The following CLPX variants were observed in gnomAD, a reference collection of about 807,000 sequenced individuals.
The protein encoded by CLPX is caseinolytic mitochondrial matrix peptidase chaperone subunit X.
A neutral mutation model predicts 76.4 loss-of-function variants in CLPX; 34 were observed. The ratio of observed to expected loss-of-function variants is 0.45; its 90% CI spans 0.34 to 0.59. The LOEUF is 0.59. CLPX is among the 20% of genes least tolerant of loss of function. The probability of loss-of-function intolerance (pLI) is 0.01; values close to 1 mark genes in which losing one functional copy is unlikely to be tolerated. For synonymous variants in CLPX, 248 were observed against 270.9 expected (o/e 0.92, Z 0.83); for missense variants, 613 against 757.0 (o/e 0.81, Z 2.23).
At chr15:65,165,209 T>G (rs2087894969) in intron 4 of CLPX, among the ~76,000 whole-genome samples, 1 of 151,808 alleles carries the variant, frequency 6.6e-6, no homozygotes, top group Non-Finnish European at 1.5e-5. Flanking sequence ...ACACCTGCAG[T>G]CCCAGCTACT....
At chr15:65,166,008 G>C (rs780458736) in intron 4 of CLPX, among the ~76,000 whole-genome samples, 4 of 152,152 alleles carry the variant, frequency 2.6e-5, no homozygotes, top group Non-Finnish European at 2.9e-5. Context: ...CAGGGTACAA[G>C]GGTTCCCAGT....
chr15:65,158,813 C>A (rs1296055402), intron 6 of CLPX, 62 bp from the exon 7 acceptor site: 3 of 1,376,090 alleles, frequency 2.2e-6, no homozygotes, highest in African/African-American at 1.5e-5. Flanking sequence ...GAAAATGTCC[C>A]ATAAAAACTT....
rs376771639 is a variant in CLPX at position 65,159,403 on chromosome 15, G to A, written c.716-652C>T. Among the ~76,000 whole-genome samples the A allele has an allele frequency of 5.9e-5, 9 of 152,278 alleles. 1 individual carries two copies. In the South Asian group the frequency reaches 1.9e-3, roughly 32 times the overall value. Reference sequence around the variant, plus strand: ...GGCATGGTGGCTCACCTGAGGTCAGGAGTTTGAGAACAGCCTGGCCAACAC... The same window carrying A: ...GGCATGGTGGCTCACCTGAGGTCAGAAGTTTGAGAACAGCCTGGCCAACAC... On this transcript the variant is annotated intron_variant, in intron 6 of 13. Transcript: ENST00000300107.
intron 6 of CLPX, among the ~76,000 whole-genome samples, chr15:65,161,664 G>A (rs1220841723): frequency 6.6e-6 from 1 of 151,896 alleles, no homozygotes; most frequent in East Asian, 1.9e-4. Flanking sequence ...TTATGAGTAT[G>A]GTATTGACTG....
intron 3 of CLPX, among the ~76,000 whole-genome samples, chr15:65,177,217 C>T (rs1005653093): frequency 6.6e-6 from 1 of 151,924 alleles, no homozygotes; most frequent in Non-Finnish European, 1.5e-5. Context: ...TTCAGATGCA[C>T]GCCACCACGC....
Position 65,185,136 on chromosome 15 carries a change from A to G in CLPX, c.18T>C (p.Ala6=), listed in dbSNP as rs199589446. The change falls in exon 1 of 14, where the codon GCT becomes GCC. Residue 6 remains alanine, a synonymous_variant. Transcript: ENST00000300107. Reference sequence around the variant, plus strand: ...GGACGGCCGCCGCGCCGCAAGTACAAGCACCGCAGCTGGGCATCTCCGCGA... The same window carrying G: ...GGACGGCCGCCGCGCCGCAAGTACAGGCACCGCAGCTGGGCATCTCCGCGA... MPSCG[A]CTCGAAAVRL... 1 of 1,573,878 alleles carries G rather than the reference A, an allele frequency of 6.4e-7. No individual in the cohort carries two copies. The highest frequency in any genetic ancestry group is 1.2e-5 in the South Asian group (1 of 85,628).
intron 6 of CLPX, among the ~76,000 whole-genome samples, chr15:65,159,705 T>C (rs2087829172): frequency 6.6e-6 from 1 of 152,214 alleles, no homozygotes; most frequent in African/African-American, 2.4e-5. Flanking sequence ...GGAAAGATTA[T>C]CCAGATTTGT....
intron 3 of CLPX, among the ~76,000 whole-genome samples, chr15:65,172,768 C>A (rs1346941857): frequency 1.3e-5 from 2 of 152,150 alleles, no homozygotes; most frequent in Non-Finnish European, 2.9e-5. Flanking sequence ...CAGTGAGTCC[C>A]AGGAGGTAGC....
At chr15:65,177,632 T>C (rs1250192001) in intron 3 of CLPX, among the ~76,000 whole-genome samples, 4 of 152,154 alleles carry the variant, frequency 2.6e-5, no homozygotes, top group Non-Finnish European at 4.4e-5. Flanking sequence ...TTCAATTGGA[T>C]TGTATAGGAA....
chr15:65,157,146 G>A (rs1055316113), intron 8 of CLPX, among the ~76,000 whole-genome samples: 11 of 152,192 alleles, frequency 7.2e-5, no homozygotes, highest in Middle Eastern at 3.4e-3. Context: ...TAACATTTAC[G>A]TATGGTAACA....
At chr15:65,160,115 A>G (rs2087834999) in intron 6 of CLPX, among the ~76,000 whole-genome samples, 1 of 152,132 alleles carries the variant, frequency 6.6e-6, no homozygotes, top group South Asian at 2.1e-4. Context: ...GCCTGGCCTA[A>G]ATTTTATTTT....
intron 3 of CLPX, among the ~76,000 whole-genome samples, chr15:65,171,602 A>G (rs1228782842): frequency 2.6e-5 from 4 of 152,232 alleles, no homozygotes; most frequent in African/African-American, 9.6e-5. Context: ...CTAAGTAAAT[A>G]ATCACCACTT....
intron 10 of CLPX, 56 bp from the exon 11 acceptor site, chr15:65,155,137 A>G (rs2087771530): frequency 7.1e-7 from 1 of 1,417,698 alleles, no homozygotes; most frequent in Non-Finnish European, 9.7e-7. Flanking sequence ...TAGTGTATTA[A>G]GTACTTTTCC....
At chr15:65,165,436 T>C (rs1261626038) in intron 4 of CLPX, among the ~76,000 whole-genome samples, 1 of 131,354 alleles carries the variant, frequency 7.6e-6, no homozygotes, top group African/African-American at 2.9e-5. Flanking sequence ...CAGGCTGGAG[T>C]GCAGTGGCGT....
At position 65,180,127 on chromosome 15, in the gene CLPX, G is replaced by A. The variant is rs2088145061; in HGVS notation, c.157C>T (p.Pro53Ser). 1 of 1,611,196 alleles carries A rather than the reference G, an allele frequency of 6.2e-7. No homozygotes were observed. Among genetic ancestry groups the A allele is most frequent in the Non-Finnish European group, 8.5e-7 (1 of 1,178,298 alleles). The change falls in exon 2 of 14, where the codon CCT becomes TCT. Residue 53 changes from proline to serine, a missense_variant. Physicochemically the swap from Pro to Ser is moderately conservative, Grantham distance 74. This residue lies in a region of CLPX where 163 missense variants were observed against 118.4 expected (regional missense o/e 1.38). Transcript: ENST00000300107. ...GGTGTTTCTGTAAAGGATCTAAGAG[G>A]AGCTCTTTGCAGAATCTGAGTTTCA... ...TFETQILQRA[P>S]LRSFTETPAY...
intron 5 of CLPX, among the ~76,000 whole-genome samples, chr15:65,163,001 T>G: frequency 6.6e-6 from 1 of 152,102 alleles, no homozygotes; most frequent in East Asian, 1.9e-4. Context: ...AACAAAAAAG[T>G]TTTGCTCCAT....
chr15:65,176,505 G>A (rs2088092805), intron 3 of CLPX, among the ~76,000 whole-genome samples: 1 of 152,072 alleles, frequency 6.6e-6, no homozygotes, highest in Non-Finnish European at 1.5e-5. Flanking sequence ...AATTAAGGGT[G>A]CAAGAATAAA....
intron 1 of CLPX, among the ~76,000 whole-genome samples, 178 bp from the exon 2 acceptor site, chr15:65,180,382 G>A (rs1205659393): frequency 6.6e-6 from 1 of 152,104 alleles, no homozygotes; most frequent in Non-Finnish European, 1.5e-5. Context: ...CAGGCCAGCA[G>A]GTCTGGGCCT....
intron 13 of CLPX, 49 bp downstream of exon 13, chr15:65,152,381 G>A (rs768382766): frequency 7.9e-5 from 59 of 743,862 alleles, no homozygotes; most frequent in Non-Finnish European, 1.2e-4. Flanking sequence ...TAGCAATGAG[G>A]AGCTCATCTT....
Sources: gnomAD v4.1 joint callset for allele counts (sites outside exome capture counted in the v4.1 genomes callset) on GRCh38, gnomAD v4.1.1 for gene constraint, gnomAD v4.1.1 regional missense constraint, MANE v1.5 for transcripts, NCBI Gene and HGNC (gene_info 2026-07-23, HGNC 2026-07-21) for gene names.